The following ERBB4 variants were observed in gnomAD, a reference collection of about 807,000 sequenced individuals.
ERBB4 encodes the protein receptor tyrosine-protein kinase erbB-4.
A neutral mutation model predicts 158.0 loss-of-function variants in ERBB4; 42 were observed. The observed-to-expected ratio is 0.27, with a 90% CI of 0.21 to 0.34. The LOEUF (loss-of-function observed/expected upper bound fraction) is 0.34. ERBB4 is among the 10% of genes least tolerant of loss of function. The pLI, the probability that ERBB4 is intolerant of heterozygous loss-of-function variation, is 1.00. For missense variants in ERBB4, 1,333 were observed against 1,624.1 expected (o/e 0.82, Z 3.08); for synonymous variants, 583 against 558.7 (o/e 1.04, Z -0.61).
intron 3 of ERBB4, among the ~76,000 whole-genome samples, chr2:211,940,382 G>A (rs1255336738): frequency 6.6e-6 from 1 of 152,096 alleles, no homozygotes; most frequent in Non-Finnish European, 1.5e-5. Flanking sequence ...TTCCTCAATA[G>A]ATGAGCTTTA....
chr2:211,925,376 CTT>C (rs71054150), intron 3 of ERBB4, among the ~76,000 whole-genome samples: 38 of 81,574 alleles, frequency 4.7e-4, no homozygotes, highest in Non-Finnish European at 7.7e-4. Context: ...AACAAGACTG[CTT>C]TTTTTTTTTT....
chr2:212,423,640 A>G (rs2091846215), intron 1 of ERBB4, among the ~76,000 whole-genome samples: 1 of 152,232 alleles, frequency 6.6e-6, no homozygotes, highest in South Asian at 2.1e-4. Flanking sequence ...ATTGCTACCC[A>G]TATAGCATAA....
intron 1 of ERBB4, among the ~76,000 whole-genome samples, chr2:212,490,197 C>T (rs888316856): frequency 4.6e-5 from 7 of 151,816 alleles, no homozygotes; most frequent in South Asian, 2.1e-4. Flanking sequence ...CTATTTCACA[C>T]GCATATTTCT....
intron 2 of ERBB4, among the ~76,000 whole-genome samples, chr2:211,981,235 G>T (rs1309597714): frequency 6.6e-6 from 1 of 152,074 alleles, no homozygotes; most frequent in Non-Finnish European, 1.5e-5. Flanking sequence ...CGTGCTAGCA[G>T]TTTCATCTGG....
rs201254580 is a variant in ERBB4, at chr2:211,387,177, G to C, written c.3184-27C>G. 2.0e-4 allele frequency: 311 copies of C among 1,541,308 alleles called. 2 individuals carry two copies. In the African/African-American group the frequency reaches 3.9e-3, roughly 19 times the overall value. Reference sequence around the variant, plus strand: ...TGTTAATAAGAGAAACATATGTGGAGAGAAGGCGTTGTTAGAAATAGTTTA... The same window carrying C: ...TGTTAATAAGAGAAACATATGTGGACAGAAGGCGTTGTTAGAAATAGTTTA... On this transcript the variant is annotated intron_variant, in intron 26 of 27. Transcript: ENST00000342788.
intron 19 of ERBB4, among the ~76,000 whole-genome samples, chr2:211,616,575 AT>A (rs1298349381): frequency 6.6e-6 from 1 of 152,196 alleles, no homozygotes; most frequent in East Asian, 1.9e-4. Context: ...ATCTACACAC[AT>A]AACCAATGAG....
rs539759547 is a variant in ERBB4 at position 212,350,500 on chromosome 2, T to C, written c.82+187949A>G. On this transcript the variant is annotated intron_variant, in intron 1 of 27. Transcript: ENST00000342788. Reference sequence around the variant, plus strand: ...TCTAGAAAGTTCTGCGTAAAAAATATTTAAAACATGTGCCAACTAAAAGAG... The same window carrying C: ...TCTAGAAAGTTCTGCGTAAAAAATACTTAAAACATGTGCCAACTAAAAGAG... Among the ~76,000 whole-genome samples, 6 of 152,252 alleles carry C rather than the reference T, an allele frequency of 3.9e-5. No individual in the cohort carries two copies. The East Asian group carries it at 1.2e-3, about 29-fold the overall frequency.
intron 20 of ERBB4, among the ~76,000 whole-genome samples, chr2:211,472,814 G>A (rs1342919674): frequency 6.6e-6 from 1 of 151,978 alleles, no homozygotes; most frequent in Non-Finnish European, 1.5e-5. Flanking sequence ...GGAAATTAAA[G>A]CACAGATTGC....
At chr2:211,492,044 A>C (rs1346797727) in intron 20 of ERBB4, among the ~76,000 whole-genome samples, 3 of 151,144 alleles carry the variant, frequency 2.0e-5, no homozygotes, top group African/African-American at 7.3e-5. Flanking sequence ...ACTGTATCAC[A>C]GCAAAGACGT....
chr2:212,395,991 T>C (rs1161143842), intron 1 of ERBB4, among the ~76,000 whole-genome samples: 1 of 151,866 alleles, frequency 6.6e-6, no homozygotes, highest in Non-Finnish European at 1.5e-5. Context: ...ACTACGAGAG[T>C]CTTATATAGG....
At chr2:212,025,847 C>T (rs778353196) in intron 2 of ERBB4, among the ~76,000 whole-genome samples, 8 of 151,458 alleles carry the variant, frequency 5.3e-5, no homozygotes, top group Non-Finnish European at 1.0e-4. Flanking sequence ...ATAATTACAC[C>T]GATAATCTAC....
chr2:211,892,564 T>C (rs1247911246), intron 3 of ERBB4, among the ~76,000 whole-genome samples: 2 of 143,094 alleles, frequency 1.4e-5, no homozygotes, highest in African/African-American at 2.8e-5. Context: ...CCAGGGCAAT[T>C]AGGCAGGAGA....
chr2:211,836,614 T>C (rs2077348676), intron 3 of ERBB4, among the ~76,000 whole-genome samples: 1 of 151,982 alleles, frequency 6.6e-6, no homozygotes, highest in South Asian at 2.1e-4. Flanking sequence ...CGAAGGACAA[T>C]AGACCATGCA....
intron 2 of ERBB4, among the ~76,000 whole-genome samples, chr2:212,089,140 T>A (rs1464779315): frequency 6.6e-6 from 1 of 152,160 alleles, no homozygotes; most frequent in Non-Finnish European, 1.5e-5. Context: ...TATAAGACTA[T>A]ATACAAATAC....
At chr2:211,777,280 C>T (rs1324599595) in intron 4 of ERBB4, 1 of 152,132 alleles carries the variant, frequency 6.6e-6, no homozygotes, top group Admixed American at 6.5e-5. Flanking sequence ...CAAACCTGAA[C>T]ATCCTCCTAT....
rs186687534 is a variant in ERBB4 at position 212,058,845 on chromosome 2, C to G, written c.234+65907G>C. On this transcript the variant is annotated intron_variant, in intron 2 of 27. Transcript: ENST00000342788. ...CCACAGCCAATATCATACTGAATGG[C>G]CAAAAACTGGAAGCATTCCCTTTGA... Among the ~76,000 whole-genome samples, 1,254 of 152,058 alleles carry G rather than the reference C, an allele frequency of 8.2e-3. 11 individuals carry two copies. Among genetic ancestry groups the G allele is most frequent in the African/African-American group, 0.027 (1,138 of 41,470 alleles).
intron 5 of ERBB4, among the ~76,000 whole-genome samples, chr2:211,740,300 GT>G (rs201382551): frequency 0.021 from 3,167 of 152,100 alleles, 103 homozygotes; most frequent in African/African-American, 0.072. Flanking sequence ...ATTTTTGTAT[GT>G]TTTTATAACT....
At chr2:212,463,906 A>G (rs780261721) in intron 1 of ERBB4, among the ~76,000 whole-genome samples, 2 of 152,162 alleles carry the variant, frequency 1.3e-5, no homozygotes, top group Non-Finnish European at 2.9e-5. Context: ...AATAAAAGGA[A>G]GGGTAACTGA....
chr2:211,781,827 A>G (rs1338298489), intron 4 of ERBB4, among the ~76,000 whole-genome samples: 1 of 152,118 alleles, frequency 6.6e-6, no homozygotes, highest in Non-Finnish European at 1.5e-5. Context: ...GTAATCTTTC[A>G]GGCAGGAGCA....
Sources: gnomAD v4.1 joint callset for allele counts (sites outside exome capture counted in the v4.1 genomes callset) on GRCh38, gnomAD v4.1.1 for gene constraint, MANE v1.5 for transcripts, NCBI Gene and HGNC (gene_info 2026-07-23, HGNC 2026-07-21) for gene names.